The following PLXNA2 variants were observed in gnomAD, a reference collection of about 807,000 sequenced individuals.
PLXNA2 encodes plexin A2.
PLXNA2 carries 91 observed loss-of-function variants against 193.5 expected under a neutral mutation model. That is an observed-to-expected ratio of 0.47 (90% confidence interval 0.40 to 0.56). The LOEUF is 0.56. Ranked by LOEUF, PLXNA2 falls within the 20% of genes least tolerant of loss-of-function variation. The probability of loss-of-function intolerance (pLI) is 0.00; values close to 1 mark genes in which losing one functional copy is unlikely to be tolerated. For synonymous variants in PLXNA2, 997 were observed against 1,027.3 expected (o/e 0.97, Z 0.56); for missense variants, 1,995 against 2,503.2 (o/e 0.80, Z 4.33).
chr1:208,233,956 G>A (rs1043021020), intron 1 of PLXNA2, among the ~76,000 whole-genome samples: 3 of 152,168 alleles, frequency 2.0e-5, no homozygotes, highest in African/African-American at 7.2e-5. Flanking sequence ...TGTGCTAAGG[G>A]CCGGCAGATG....
chr1:208,128,994 C>T (rs1220182180), intron 4 of PLXNA2, among the ~76,000 whole-genome samples: 1 of 152,142 alleles, frequency 6.6e-6, no homozygotes, highest in East Asian at 1.9e-4. Context: ...TGCGCCCAGC[C>T]CTAGTGTTTC....
chr1:208,046,063 T>C lies in PLXNA2; in HGVS notation c.3310A>G (p.Thr1104Ala). The change falls in exon 18 of 32, where the codon ACG becomes GCG. Residue 1104 changes from threonine (T) to alanine (A), a missense_variant. Thr to Ala is a moderately conservative substitution (Grantham distance 58). Coordinates refer to ENST00000367033, the MANE Select transcript of PLXNA2 (RefSeq NM_025179.4). The stretch of plus-strand genomic sequence containing the variant: ...GTGTCCAGGCCAGGGCGGTAGTCCG[T>C]GGTCAGAGAGGGTGCCAGGCAGGTG... Reference protein sequence around the residue: ...TLTCLAPSLTTDYRPGLDTVE... With the variant: ...TLTCLAPSLTADYRPGLDTVE... 1 of 1,614,242 alleles carries C rather than the reference T, an allele frequency of 6.2e-7. No homozygotes were observed. Among genetic ancestry groups the C allele is most frequent in the Non-Finnish European group, 8.5e-7 (1 of 1,180,038 alleles).
chr1:208,159,638 T>A (rs1284944939), intron 3 of PLXNA2, among the ~76,000 whole-genome samples: 2 of 152,238 alleles, frequency 1.3e-5, no homozygotes, highest in Non-Finnish European at 2.9e-5. Flanking sequence ...GAAAGTCTGG[T>A]GCTACCGTGA....
rs372802112 is a variant in PLXNA2 at position 208,092,846 on chromosome 1, G to A, written c.2037C>T (p.Asn679=). The change falls in exon 9 of 32, where the codon AAC becomes AAT. Residue 679 remains asparagine (N), a synonymous_variant. Coordinates refer to ENST00000367033, the MANE Select transcript of PLXNA2 (RefSeq NM_025179.4). Reference sequence around the variant, plus strand: ...AGGTGGTGGGGTCATGAGTGCAGAGGTTGCGGTACTTGCACCAATGGCAGC... The same window carrying A: ...AGGTGGTGGGGTCATGAGTGCAGAGATTGCGGTACTTGCACCAATGGCAGC... ...AFRCHWCKYR[N]LCTHDPTTCS... 1 of 1,614,064 alleles carries A rather than the reference G, an allele frequency of 6.2e-7. No individual in the cohort carries two copies. Among genetic ancestry groups the A allele is most frequent in the Non-Finnish European group, 8.5e-7 (1 of 1,179,988 alleles).
intron 2 of PLXNA2, among the ~76,000 whole-genome samples, chr1:208,216,242 T>C (rs977346376): frequency 1.3e-5 from 2 of 152,220 alleles, no homozygotes; most frequent in Non-Finnish European, 2.9e-5. Flanking sequence ...CTCTGGACAC[T>C]TGTGTGGCTC....
intron 9 of PLXNA2, among the ~76,000 whole-genome samples, chr1:208,087,037 CAGAGAGAA>C: frequency 7.0e-6 from 1 of 141,872 alleles, no homozygotes; most frequent in South Asian, 2.4e-4. Flanking sequence ...GACAGAGAGA[CAGAGAGAA>C]AGAGAGAGAG....
intron 3 of PLXNA2, among the ~76,000 whole-genome samples, chr1:208,197,340 C>T (rs190635324): frequency 2.3e-4 from 35 of 152,316 alleles, no homozygotes; most frequent in Admixed American, 6.5e-4. Context: ...TTGTGCATGA[C>T]GACACGTGAT....
chr1:208,052,087 G>C (rs1333076367), intron 15 of PLXNA2, among the ~76,000 whole-genome samples: 1 of 152,146 alleles, frequency 6.6e-6, no homozygotes, highest in East Asian at 1.9e-4. Flanking sequence ...TCCTCCATCT[G>C]GTGTTCTCAT....
Position 208,243,937 on chromosome 1 carries a change from AGGGGGCGTGT to A in PLXNA2, c.-385_-376del, listed in dbSNP as rs1240885552. 1.3e-5 allele frequency: 2 copies of A among 152,130 alleles called. No individual in the cohort carries two copies. Among genetic ancestry groups the A allele is most frequent in the Non-Finnish European group, 2.9e-5 (2 of 68,086 alleles). 9.4% of individuals were successfully genotyped at this position (152,130 alleles called of 1,614,324 possible). A position where few individuals can be genotyped will look rare whatever the true frequency, so the allele number is the denominator to read the frequency against. ...TCTCAGGGGGCACCCGGAGGCGCCG[AGGGGGCGTGT>A]GGGGGCGGCCGGCGGTGTCTCTCCT... is the stretch of plus-strand genomic sequence containing the variant. On this transcript the variant is annotated 5_prime_UTR_variant, in exon 1 of 32. An upstream open reading frame in the 5' UTR loses its in-frame stop. Transcript: ENST00000367033.
intron 4 of PLXNA2, among the ~76,000 whole-genome samples, chr1:208,133,357 G>A (rs1571953265): frequency 1.3e-5 from 2 of 152,296 alleles, no homozygotes; most frequent in Non-Finnish European, 2.9e-5. Flanking sequence ...TGAGGGCAGG[G>A]ATTCTATTTT....
chr1:208,109,558 A>C (rs1667395124), intron 4 of PLXNA2, among the ~76,000 whole-genome samples: 2 of 152,212 alleles, frequency 1.3e-5, no homozygotes, highest in Non-Finnish European at 2.9e-5. Context: ...TTTGATCTGC[A>C]CAACTCCCCA....
In PLXNA2 at chr1:208,023,527, C is replaced by T. The variant is rs954257128; in HGVS notation, c.*3716G>A. On this transcript the variant is annotated 3_prime_UTR_variant, in exon 32 of 32. Coordinates refer to ENST00000367033, the MANE Select transcript of PLXNA2 (RefSeq NM_025179.4). The stretch of plus-strand genomic sequence containing the variant: ...TGGAACTGAAGGAAGGTCAGAAGCT[C>T]AAGCAGCAGGTGAAGTGCAGCCAGA... 8 of 152,790 alleles carry T rather than the reference C, an allele frequency of 5.2e-5. No individual in the cohort carries two copies. Among genetic ancestry groups the T allele is most frequent in the Non-Finnish European group, 1.5e-5 (1 of 68,180 alleles). The allele number at this position is 152,790 out of a possible 1,614,324, so 9.5% of individuals were successfully genotyped here. A position where few individuals can be genotyped will look rare whatever the true frequency, so the allele number is the denominator to read the frequency against.
At chr1:208,045,244 G>T in intron 18 of PLXNA2, 34 bp from the exon 19 acceptor site, 1 of 1,605,246 alleles carries the variant, frequency 6.2e-7, no homozygotes, top group Non-Finnish European at 8.5e-7. Flanking sequence ...AGGCATAATT[G>T]ACACATGCAC....
intron 9 of PLXNA2, 26 bp from the exon 10 acceptor site, chr1:208,084,606 A>ATCTG: frequency 6.2e-7 from 1 of 1,607,668 alleles, no homozygotes; most frequent in Non-Finnish European, 8.5e-7. Flanking sequence ...AAGAGGCTCC[A>ATCTG]TCTGTCCCCT....
Position 208,084,384 on chromosome 1 carries a change from C to G in PLXNA2, c.2294G>C (p.Ser765Thr), listed in dbSNP as rs1348292043. 1.2e-6 allele frequency: 2 copies of G among 1,614,092 alleles called. No homozygotes were observed. Among genetic ancestry groups the G allele is most frequent in the Non-Finnish European group, 1.7e-6 (2 of 1,180,034 alleles). The change falls in exon 10 of 32, where the codon AGC becomes ACC. Residue 765 changes from serine (S) to threonine (T), a missense_variant. Physicochemically the swap from Ser to Thr is moderately conservative, Grantham distance 58. Coordinates refer to ENST00000367033, the MANE Select transcript of PLXNA2 (RefSeq NM_025179.4). ...FNSSSVQCQN[S>T]SYQYDGMDIS... is the part of the protein sequence containing the mutation. ...GCCCAGCCTGCGTTTTCTTACCGAG[C>G]TGTTCTGACACTGAACGCTGGAGCT...
intron 4 of PLXNA2, among the ~76,000 whole-genome samples, chr1:208,133,108 G>A (rs904645388): frequency 7.2e-5 from 11 of 152,208 alleles, no homozygotes; most frequent in Non-Finnish European, 1.5e-4. Flanking sequence ...CTTCACTAGA[G>A]AATCTCTGGA....
chr1:208,212,883 CTGTG>C (rs1425841148), intron 2 of PLXNA2, among the ~76,000 whole-genome samples: 3 of 152,232 alleles, frequency 2.0e-5, no homozygotes, highest in Non-Finnish European at 2.9e-5. Context: ...CTGAAACCAG[CTGTG>C]TGACCTTGAT....
intron 3 of PLXNA2, among the ~76,000 whole-genome samples, chr1:208,178,391 G>C (rs1669730653): frequency 6.6e-6 from 1 of 152,220 alleles, no homozygotes; most frequent in Non-Finnish European, 1.5e-5. Context: ...ATGAGGGTGG[G>C]CCTAACTGAG....
intron 12 of PLXNA2, among the ~76,000 whole-genome samples, chr1:208,074,861 T>G (rs937964826): frequency 2.6e-5 from 4 of 152,098 alleles, no homozygotes; most frequent in Non-Finnish European, 4.4e-5. Flanking sequence ...CTGCACAGAG[T>G]GGCTGCACTA....
Sources: gnomAD v4.1 joint callset for allele counts (sites outside exome capture counted in the v4.1 genomes callset) on GRCh38, gnomAD v4.1.1 for gene constraint, MANE v1.5 for transcripts, NCBI Gene and HGNC (gene_info 2026-07-23, HGNC 2026-07-21) for gene names.